The following SYTL3 variants were observed in gnomAD, a reference collection of about 807,000 sequenced individuals.
The protein encoded by SYTL3 is synaptotagmin like 3, also known as synaptotagmin-like protein 3.
Under a neutral mutation model 82.1 loss-of-function variants are expected in SYTL3, and 88 were observed. That is an observed-to-expected ratio of 1.07 (90% CI 0.90 to 1.28). The LOEUF (loss-of-function observed/expected upper bound fraction) is 1.28, where lower values mean the gene tolerates loss of function less well. SYTL3 is among the 50% of genes most tolerant of loss of function. SYTL3 has a pLI of 0.00. For missense variants in SYTL3, 831 were observed against 757.6 expected (o/e 1.10, Z -1.14); for synonymous variants, 311 against 289.4 (o/e 1.07, Z -0.76).
At chr6:158,676,685 C>T (rs1778072926) in intron 5 of SYTL3, among the ~76,000 whole-genome samples, 1 of 152,064 alleles carries the variant, frequency 6.6e-6, no homozygotes, top group South Asian at 2.1e-4. Flanking sequence ...CCAGAATCTA[C>T]AATGAACTCA....
chr6:158,744,154 T>TG (rs1787287083), intron 11 of SYTL3, among the ~76,000 whole-genome samples: 1 of 151,776 alleles, frequency 6.6e-6, no homozygotes, highest in Non-Finnish European at 1.5e-5. Flanking sequence ...TGACCTCCAG[T>TG]GATCCACCCT....
chr6:158,706,384 C>A (rs577070335), intron 6 of SYTL3, among the ~76,000 whole-genome samples: 4 of 152,112 alleles, frequency 2.6e-5, no homozygotes, highest in African/African-American at 9.7e-5. Context: ...TCTTACTGTC[C>A]GTGTCCTTCA....
intron 2 of SYTL3, among the ~76,000 whole-genome samples, chr6:158,657,120 G>A (rs1464334083): frequency 1.3e-5 from 2 of 151,898 alleles, no homozygotes; most frequent in African/African-American, 2.4e-5. Flanking sequence ...AACTCCATCT[G>A]CCACCTTAAA....
At chr6:158,715,368 C>T (rs1411793684) in intron 9 of SYTL3, among the ~76,000 whole-genome samples, 2 of 152,094 alleles carry the variant, frequency 1.3e-5, no homozygotes, top group Non-Finnish European at 2.9e-5. Flanking sequence ...CATGCACCTT[C>T]CTGGATGCTC....
At chr6:158,688,408 C>T (rs1161394886) in intron 6 of SYTL3, among the ~76,000 whole-genome samples, 2 of 152,170 alleles carry the variant, frequency 1.3e-5, no homozygotes, top group East Asian at 3.9e-4. Context: ...TTTCCTTCTT[C>T]CCACACTCTG....
At chr6:158,659,992 A>T (rs188276985) in intron 2 of SYTL3, among the ~76,000 whole-genome samples, 98 of 152,312 alleles carry the variant, frequency 6.4e-4, no homozygotes, top group Admixed American at 2.2e-3. Context: ...AACCTTGAAC[A>T]GGCCGGGCGT....
At chr6:158,725,402 T>G (rs1784599135) in intron 10 of SYTL3, 101 bp from the exon 11 acceptor site, 1 of 1,351,826 alleles carries the variant, frequency 7.4e-7, no homozygotes, top group East Asian at 2.3e-5. Context: ...GTTTGCATGT[T>G]AGTAACATCA....
intron 5 of SYTL3, among the ~76,000 whole-genome samples, chr6:158,678,770 G>A (rs1361180947): frequency 1.3e-5 from 2 of 152,056 alleles, no homozygotes; most frequent in African/African-American, 2.4e-5. Context: ...CTATAGCTTC[G>A]GCCCTCCCCA....
intron 12 of SYTL3, among the ~76,000 whole-genome samples, chr6:158,747,314 T>A (rs549842600): frequency 9.9e-4 from 150 of 152,196 alleles, no homozygotes; most frequent in Non-Finnish European, 2.0e-3. Flanking sequence ...AGTTTTCTAT[T>A]CATATCTTTT....
At position 158,665,609 on chromosome 6, in the gene SYTL3, G is replaced by T. The variant is rs1789954103; in HGVS notation, c.325G>T (p.Asp109Tyr). 6 of 1,556,796 alleles carry T rather than the reference G, an allele frequency of 3.9e-6. No individual in the cohort carries two copies. In the South Asian group the frequency reaches 7.1e-5, roughly 18 times the overall value. Residue 109 changes from aspartate to tyrosine, a missense_variant, in exon 5 of 18, where the codon GAC (aspartate) becomes TAC (tyrosine). By Grantham distance (160) the Asp-to-Tyr change is radical. Coordinates refer to ENST00000611299, the MANE Select transcript of SYTL3 (RefSeq NM_001242394.2). ...HAWKCTVCFEDRNVKIKTGEW... is the reference protein window; with the variant it reads ...HAWKCTVCFEYRNVKIKTGEW... ...CTGGAAGTGCACGGTGTGCTTCGAGGACAGGTAAGCATGGCCGGTGGTTGG... is the reference window on the plus strand; with the variant it reads ...CTGGAAGTGCACGGTGTGCTTCGAGTACAGGTAAGCATGGCCGGTGGTTGG...
rs576649076 is a variant in SYTL3, at chr6:158,672,544, G to T, written c.329+6931G>T. On this transcript the variant is annotated intron_variant, in intron 5 of 17. Transcript: ENST00000611299. ...ATTTTTATGTAGAAGAAACATACTGGTTTTTTTGTTTCTTTTTTTTTTTTT... is the reference window on the plus strand; with the variant it reads ...ATTTTTATGTAGAAGAAACATACTGTTTTTTTTGTTTCTTTTTTTTTTTTT... Among the ~76,000 whole-genome samples the T allele has an allele frequency of 4.3e-4, 54 of 126,232 alleles. No individual in the cohort carries two copies. In the East Asian group the frequency reaches 0.014, roughly 34 times the overall value. The allele number at this position is 126,232 out of a possible 152,430, so 82.8% of individuals were successfully genotyped here.
At chr6:158,652,965 A>G (rs1309935014) in intron 2 of SYTL3, among the ~76,000 whole-genome samples, 1 of 152,206 alleles carries the variant, frequency 6.6e-6, no homozygotes, top group Non-Finnish European at 1.5e-5. Flanking sequence ...GGCCGTGCAA[A>G]TAAAGGATTC....
Position 158,761,600 on chromosome 6 carries a change from G to A in SYTL3, c.1415-476G>A, listed in dbSNP as rs878914238. ...TGGGATTACAGGCGTGAGCCACCACGCCCGGCCCAGAATGCACATTTCTGT... is the reference window on the plus strand; with the variant it reads ...TGGGATTACAGGCGTGAGCCACCACACCCGGCCCAGAATGCACATTTCTGT... On this transcript the variant is annotated intron_variant, in intron 15 of 17. Transcript: ENST00000611299. Among the ~76,000 whole-genome samples, 16 of 152,052 alleles carry A rather than the reference G, an allele frequency of 1.1e-4. No homozygotes were observed. The East Asian group carries it at 1.5e-3, about 15-fold the overall frequency.
At chr6:158,673,379 G>A (rs987752606) in intron 5 of SYTL3, among the ~76,000 whole-genome samples, 1 of 151,670 alleles carries the variant, frequency 6.6e-6, no homozygotes, top group Non-Finnish European at 1.5e-5. Flanking sequence ...GCTTTCCTCA[G>A]TCAAGTCTGA....
chr6:158,689,079 T>TGTTGGATA (rs1779585653), intron 6 of SYTL3, among the ~76,000 whole-genome samples: 1 of 152,218 alleles, frequency 6.6e-6, no homozygotes, highest in Non-Finnish European at 1.5e-5. Flanking sequence ...AAATAACTAT[T>TGTTGGATA]GTTGGATAGT....
upstream of SYTL3, among the ~76,000 whole-genome samples, chr6:158,649,145 A>G (rs1372195278): frequency 6.6e-6 from 1 of 152,236 alleles, no homozygotes; most frequent in Non-Finnish European, 1.5e-5. Flanking sequence ...TATTCATGCT[A>G]TAGTAGTTAT....
intron 13 of SYTL3, among the ~76,000 whole-genome samples, chr6:158,753,452 C>G (rs149955988): frequency 4.0e-5 from 6 of 149,840 alleles, no homozygotes; most frequent in Non-Finnish European, 8.9e-5. Context: ...GATTCTGGGC[C>G]GGGCGCGGTG....
chr6:158,669,057 C>T (rs1777066010), intron 5 of SYTL3, among the ~76,000 whole-genome samples: 1 of 152,112 alleles, frequency 6.6e-6, no homozygotes, highest in Non-Finnish European at 1.5e-5. Flanking sequence ...CCTTGTTTTC[C>T]ACTGATGTTT....
chr6:158,691,380 C>T (rs1390088662), intron 6 of SYTL3, among the ~76,000 whole-genome samples: 1 of 151,776 alleles, frequency 6.6e-6, no homozygotes, highest in Non-Finnish European at 1.5e-5. Flanking sequence ...TTAACAGTTC[C>T]CCAAGTAACT....
Sources: allele counts gnomAD v4.1 joint callset (sites outside exome capture counted in the v4.1 genomes callset), GRCh38; gene constraint gnomAD v4.1.1; transcripts MANE v1.5; gene names NCBI Gene and HGNC (gene_info 2026-07-23, HGNC 2026-07-21).